PRKCH: variants seen among roughly 807,000 people sequenced by gnomAD.
PRKCH encodes the protein protein kinase C eta type.
PRKCH carries 28 observed loss-of-function variants against 82.5 expected under a neutral mutation model. That is an observed-to-expected ratio of 0.34 (90% confidence interval 0.25 to 0.47). PRKCH has a LOEUF of 0.47. Among genes scored for constraint, PRKCH ranks in the 20% least tolerant of loss-of-function variants. The pLI is 1.00. For missense variants in PRKCH, 705 were observed against 881.8 expected (o/e 0.80, Z 2.54); for synonymous variants, 322 against 327.4 (o/e 0.98, Z 0.18).
chr14:61,411,171 A>T (rs1882252219), intron 2 of PRKCH, among the ~76,000 whole-genome samples: 1 of 152,218 alleles, frequency 6.6e-6, no homozygotes, highest in South Asian at 2.1e-4. Context: ...GCCACCTCAG[A>T]AGACACCAGC....
chr14:61,437,029 C>T (rs1594704860), intron 2 of PRKCH, among the ~76,000 whole-genome samples: 1 of 152,186 alleles, frequency 6.6e-6, no homozygotes, highest in African/African-American at 2.4e-5. Flanking sequence ...GCTCAGTGCC[C>T]GTGTCACTGT....
intron 1 of PRKCH, among the ~76,000 whole-genome samples, chr14:61,378,623 T>A (rs1031205003): frequency 6.6e-6 from 1 of 152,186 alleles, no homozygotes; most frequent in Admixed American, 6.5e-5. Flanking sequence ...GACAGCCCAG[T>A]AGATGCTCAG....
In PRKCH at chr14:61,450,951, G is replaced by T; in HGVS notation, c.812G>T (p.Arg271Leu). ...HCGSLLWGIM[R>L]QGLQCKICKM... ...GGCTCACTGCTCTGGGGAATAATGC[G>T]ACAAGGACTTCAGTGTAAAAGTGAG... Residue 271 changes from arginine (R) to leucine (L), a missense_variant, in exon 6 of 14, where the codon CGA becomes CTA. Around this residue, in one of 5 missense-constraint regions of PRKCH, gnomAD observed 238 missense variants for 258.1 expected, o/e 0.92. Transcript: ENST00000332981. 1 of 1,614,022 alleles carries T rather than the reference G, an allele frequency of 6.2e-7. No homozygotes were observed. The highest frequency in any genetic ancestry group is 1.1e-5 in the South Asian group (1 of 91,050).
chr14:61,517,648 A>T lies in PRKCH; in HGVS notation c.1434-11427A>T, dbSNP rs565079146. On this transcript the variant is annotated intron_variant, in intron 10 of 13. Coordinates refer to ENST00000332981, the MANE Select transcript of PRKCH (RefSeq NM_006255.5). Reference sequence around the variant, plus strand: ...GTGCCCTAGAACATTTAATAGTTTCACTCTATGAACTCGTTTGTTGGTCTT... The same window carrying T: ...GTGCCCTAGAACATTTAATAGTTTCTCTCTATGAACTCGTTTGTTGGTCTT... Among the ~76,000 whole-genome samples the T allele has an allele frequency of 3.3e-5, 5 of 152,232 alleles. No individual in the cohort carries two copies. In the South Asian group the frequency reaches 8.3e-4, roughly 25 times the overall value.
intron 1 of PRKCH, among the ~76,000 whole-genome samples, chr14:61,232,893 C>A (rs2044755879): frequency 6.6e-6 from 1 of 152,154 alleles, no homozygotes; most frequent in African/African-American, 2.4e-5. Context: ...AACCGTCAGT[C>A]AACTCATTAG....
intron 1 of PRKCH, among the ~76,000 whole-genome samples, chr14:61,296,938 T>C (rs2045411192): frequency 6.6e-6 from 1 of 152,226 alleles, no homozygotes; most frequent in African/African-American, 2.4e-5. Flanking sequence ...TGATCATTTG[T>C]AACTCACATG....
At chr14:61,436,172 G>A (rs1365907374) in intron 2 of PRKCH, among the ~76,000 whole-genome samples, 2 of 152,204 alleles carry the variant, frequency 1.3e-5, no homozygotes, top group African/African-American at 4.8e-5. Flanking sequence ...TGGCAGAGGA[G>A]GCTGGAGTGA....
chr14:61,547,639 A>G, intron 12 of PRKCH, 104 bp from the exon 13 acceptor site: 2 of 1,423,474 alleles, frequency 1.4e-6, no homozygotes, highest in South Asian at 1.4e-5. Flanking sequence ...AAGACCTGCC[A>G]GAAAGTCTCG....
At chr14:61,502,369 C>A (rs1459865944) in intron 10 of PRKCH, among the ~76,000 whole-genome samples, 1 of 152,046 alleles carries the variant, frequency 6.6e-6, no homozygotes, top group African/African-American at 2.4e-5. Context: ...TCAATCTTTT[C>A]TTTTATCAGA....
chr14:61,214,719 C>G (rs1299123285), intron 1 of PRKCH, among the ~76,000 whole-genome samples: 1 of 152,108 alleles, frequency 6.6e-6, no homozygotes, highest in Non-Finnish European at 1.5e-5. Context: ...TCTTCTATCT[C>G]ACGTCCTGAT....
At chr14:61,416,804 A>G (rs1278718245) in intron 2 of PRKCH, among the ~76,000 whole-genome samples, 6 of 152,118 alleles carry the variant, frequency 3.9e-5, no homozygotes, top group Admixed American at 1.3e-4. Context: ...GAAACACTGC[A>G]TGCCCTCTAA....
chr14:61,206,901 G>T (rs1470433778), intron 1 of PRKCH, among the ~76,000 whole-genome samples: 1 of 151,926 alleles, frequency 6.6e-6, no homozygotes, highest in Non-Finnish European at 1.5e-5. Flanking sequence ...GAGGTCAGGA[G>T]TTCAAGACTA....
intron 1 of PRKCH, among the ~76,000 whole-genome samples, chr14:61,310,303 TA>T (rs1402527750): frequency 3.3e-5 from 5 of 152,074 alleles, no homozygotes; most frequent in African/African-American, 1.2e-4. Flanking sequence ...ACCTGTAAAA[TA>T]AAAAACAAGT....
At chr14:61,243,334 A>T (rs2044855827) in intron 1 of PRKCH, among the ~76,000 whole-genome samples, 1 of 146,888 alleles carries the variant, frequency 6.8e-6, no homozygotes, top group Non-Finnish European at 1.5e-5. Flanking sequence ...GGAGGTGGAG[A>T]TTGCAATGAA....
chr14:61,391,324 G>C, intron 2 of PRKCH, 36 bp downstream of exon 2: 2 of 1,528,078 alleles, frequency 1.3e-6, no homozygotes, highest in Non-Finnish European at 1.8e-6. Flanking sequence ...CAGAATACAT[G>C]TAATCTTGGT....
intron 4 of PRKCH, among the ~76,000 whole-genome samples, chr14:61,448,098 G>A (rs1250538282): frequency 6.6e-6 from 1 of 152,188 alleles, no homozygotes; most frequent in Non-Finnish European, 1.5e-5. Context: ...CTGTGTGAAG[G>A]ATGGTTTTGA....
chr14:61,270,453 G>A (rs1300453906), intron 1 of PRKCH, among the ~76,000 whole-genome samples: 4 of 152,138 alleles, frequency 2.6e-5, no homozygotes, highest in Admixed American at 6.5e-5. Context: ...AAATTCCAAG[G>A]GGACTTACCT....
intron 1 of PRKCH, among the ~76,000 whole-genome samples, chr14:61,325,991 C>A (rs1189627853): frequency 6.6e-6 from 1 of 152,156 alleles, no homozygotes; most frequent in East Asian, 1.9e-4. Context: ...GCACCTGGAA[C>A]TCTCATATGC....
At chr14:61,346,918 C>G (rs753854109) in intron 1 of PRKCH, among the ~76,000 whole-genome samples, 12 of 152,182 alleles carry the variant, frequency 7.9e-5, no homozygotes, top group Non-Finnish European at 1.6e-4. Flanking sequence ...TCACATCCAT[C>G]TTTTCATTCC....
Sources: allele counts gnomAD v4.1 joint callset (sites outside exome capture counted in the v4.1 genomes callset), GRCh38; gene constraint gnomAD v4.1.1; regional missense constraint gnomAD v4.1.1; transcripts MANE v1.5; gene names NCBI Gene and HGNC (gene_info 2026-07-23, HGNC 2026-07-21).